Variants in TMOD3 observed in about 807,000 individuals in gnomAD.
The protein encoded by TMOD3 is tropomodulin 3.
Under a neutral mutation model 39.2 loss-of-function variants are expected in TMOD3, and 20 were observed. That is an observed-to-expected ratio of 0.51 (90% confidence interval 0.36 to 0.74). The LOEUF (loss-of-function observed/expected upper bound fraction) is 0.74. Ranked by LOEUF, TMOD3 falls within the 30% of genes least tolerant of loss-of-function variation. The pLI, the probability that TMOD3 is intolerant of heterozygous loss-of-function variation, is 0.00. For synonymous variants in TMOD3, 143 were observed against 145.8 expected, an observed-to-expected ratio of 0.98 and a Z score of 0.14; for missense variants, 381 against 412.8, an observed-to-expected ratio of 0.92 and a Z score of 0.67.
At chr15:51,838,164 C>T (rs911069276) in intron 1 of TMOD3, among the ~76,000 whole-genome samples, 2 of 152,050 alleles carry the variant, frequency 1.3e-5, no homozygotes, top group African/African-American at 2.4e-5. Flanking sequence ...CAGCTCCAAC[C>T]TTTTTCAGCC....
At chr15:51,840,696 C>T (rs1595889860) in intron 1 of TMOD3, among the ~76,000 whole-genome samples, 1 of 152,214 alleles carries the variant, frequency 6.6e-6, no homozygotes, top group East Asian at 1.9e-4. Flanking sequence ...CTTAATTTAG[C>T]CAAAATGATG....
intron 3 of TMOD3, among the ~76,000 whole-genome samples, chr15:51,886,830 G>A (rs868181908): frequency 6.6e-6 from 1 of 152,160 alleles, no homozygotes; most frequent in South Asian, 2.1e-4. Context: ...TACCACTCAG[G>A]ACATAGAAAT....
At chr15:51,882,566 A>T (rs547603357) in intron 3 of TMOD3, among the ~76,000 whole-genome samples, 23 of 152,186 alleles carry the variant, frequency 1.5e-4, no homozygotes, top group African/African-American at 4.1e-4. Context: ...CCATTTGTTG[A>T]AACACTGTTC....
intron 9 of TMOD3, chr15:51,907,129 A>G (rs1251039257): frequency 6.6e-6 from 1 of 151,824 alleles, no homozygotes; most frequent in Non-Finnish European, 1.5e-5. Flanking sequence ...TCTCCATTTA[A>G]TTTTTTTTCT....
chr15:51,838,312 A>G (rs1477611932), intron 1 of TMOD3, among the ~76,000 whole-genome samples: 1 of 151,968 alleles, frequency 6.6e-6, no homozygotes, highest in Non-Finnish European at 1.5e-5. Flanking sequence ...GCAGTTAATT[A>G]TATATTTTCT....
At chr15:51,830,753 AT>A (rs948340864) in intron 1 of TMOD3, among the ~76,000 whole-genome samples, 2 of 152,120 alleles carry the variant, frequency 1.3e-5, no homozygotes, top group Non-Finnish European at 2.9e-5. Flanking sequence ...CTTCAGATTA[AT>A]TTTTTTGGCA....
chr15:51,868,602 T>G (rs2056459282), intron 2 of TMOD3, among the ~76,000 whole-genome samples: 1 of 152,232 alleles, frequency 6.6e-6, no homozygotes, highest in African/African-American at 2.4e-5. Context: ...TAAAACTTTT[T>G]TATTAGTATC....
At chr15:51,880,806 T>C (rs1472917215) in intron 3 of TMOD3, among the ~76,000 whole-genome samples, 2 of 152,238 alleles carry the variant, frequency 1.3e-5, no homozygotes, top group East Asian at 3.8e-4. Context: ...AGTTGTTATA[T>C]AGACATATGT....
At chr15:51,832,139 G>C (rs2141662468) in intron 1 of TMOD3, among the ~76,000 whole-genome samples, 1 of 149,850 alleles carries the variant, frequency 6.7e-6, no homozygotes, top group Non-Finnish European at 1.5e-5. Context: ...GACAATGATT[G>C]TGCCACTGCA....
At chr15:51,906,881 G>A (rs891070860) in intron 9 of TMOD3, among the ~76,000 whole-genome samples, 8 of 152,088 alleles carry the variant, frequency 5.3e-5, no homozygotes, top group African/African-American at 9.7e-5. Flanking sequence ...TTAGCCAGGT[G>A]TGGTGTTGCA....
chr15:51,889,234 G>T, intron 5 of TMOD3, 89 bp downstream of exon 5: 2 of 799,950 alleles, frequency 2.5e-6, no homozygotes, highest in Non-Finnish European at 4.2e-6. Context: ...TCACATACTA[G>T]ATGTTATATA....
intron 9 of TMOD3, among the ~76,000 whole-genome samples, chr15:51,905,091 A>G (rs893269944): frequency 2.0e-5 from 3 of 152,238 alleles, no homozygotes; most frequent in Non-Finnish European, 4.4e-5. Context: ...CAAGTTATTT[A>G]TATGCTGATG....
At chr15:51,836,253 A>C (rs569514873) in intron 1 of TMOD3, among the ~76,000 whole-genome samples, 53 of 152,234 alleles carry the variant, frequency 3.5e-4, no homozygotes, top group Admixed American at 4.6e-4. Context: ...TTTTCATCAC[A>C]CCAGAAATAA....
In TMOD3 at chr15:51,899,226, T is replaced by C. The variant is rs1279412984; in HGVS notation, c.736-929T>C. 2 of 152,104 alleles carry C rather than the reference T, an allele frequency of 1.3e-5. 1 individual carries two copies. The highest frequency in any genetic ancestry group is 1.3e-4 in the Admixed American group (2 of 15,258). The allele number at this position is 152,104 out of a possible 1,614,324, so 9.4% of individuals were successfully genotyped here. A position where few individuals can be genotyped will look rare whatever the true frequency, so the allele number is the denominator to read the frequency against. ...ATAAGAAAAGATGTTACAGCGACAT[T>C]GATGAAGTTGGTCTAACACAGAAAC... On this transcript the variant is annotated intron_variant, in intron 7 of 9. Coordinates refer to ENST00000308580, the MANE Select transcript of TMOD3 (RefSeq NM_014547.5).
intron 3 of TMOD3, among the ~76,000 whole-genome samples, chr15:51,884,346 G>A (rs994653319): frequency 3.9e-5 from 6 of 152,230 alleles, no homozygotes; most frequent in African/African-American, 1.4e-4. Context: ...AAACACATGT[G>A]CAGAATGTCT....
rs192181255 is a variant in TMOD3 at position 51,908,453 on chromosome 15, G to A, written c.1025-323G>A. Among the ~76,000 whole-genome samples the A allele has an allele frequency of 1.4e-3, 212 of 152,190 alleles. 9 individuals carry two copies. Among genetic ancestry groups the A allele is most frequent in the East Asian group, 9.3e-3 (48 of 5,184 alleles). ...AAGTTAAAAATAAACAAAAACAAAT[G>A]ACTTGTAGATGATTGCTGACCATTC... On this transcript the variant is annotated intron_variant, in intron 9 of 9. Transcript: ENST00000308580.
chr15:51,859,367 C>T (rs2056404836), intron 1 of TMOD3: 1 of 699,102 alleles, frequency 1.4e-6, no homozygotes, highest in South Asian at 1.4e-5. Flanking sequence ...CAAACTCTCT[C>T]AAAGCCCTCT....
At chr15:51,834,638 C>T (rs1348826324) in intron 1 of TMOD3, among the ~76,000 whole-genome samples, 1 of 152,130 alleles carries the variant, frequency 6.6e-6, no homozygotes, top group African/African-American at 2.4e-5. Flanking sequence ...TGAGACCAGT[C>T]TGGGCAACAT....
Position 51,896,524 on chromosome 15 carries a change from A to G in TMOD3, c.733A>G (p.Thr245Ala), listed in dbSNP as rs761985259. 1.9e-6 allele frequency: 3 copies of G among 1,609,876 alleles called. No homozygotes were observed. The highest frequency in any genetic ancestry group is 2.2e-5 in the East Asian group (1 of 44,864). The change falls in exon 7 of 10, where the codon ACT (threonine) becomes GCT (alanine). Residue 245 changes from threonine to alanine, a missense_variant and splice_region_variant. By Grantham distance (58) the Thr-to-Ala change is moderately conservative. Coordinates refer to ENST00000308580, the MANE Select transcript of TMOD3 (RefSeq NM_014547.5). The stretch of plus-strand genomic sequence containing the variant: ...CACCCGGAGCAATGACCCTGTTGCT[A>G]CTGTAAGTAAGCGACTTGAGAATAT... Reference protein sequence around the residue: ...AATRSNDPVATAFAEMLKVNK... With the variant: ...AATRSNDPVAAAFAEMLKVNK...
Sources: allele counts gnomAD v4.1 joint callset (sites outside exome capture counted in the v4.1 genomes callset), GRCh38; gene constraint gnomAD v4.1.1; transcripts MANE v1.5; gene names NCBI Gene and HGNC (gene_info 2026-07-23, HGNC 2026-07-21).